Variants in MRC2 observed in about 807,000 individuals in gnomAD.
The protein encoded by MRC2 is mannose receptor C-type 2.
In MRC2, 84 loss-of-function variants were observed where a neutral mutation model predicts 206.2. The observed-to-expected ratio is 0.41, with a 90% CI of 0.34 to 0.49. The LOEUF (loss-of-function observed/expected upper bound fraction) is 0.49, where lower values mean the gene tolerates loss of function less well. MRC2 is among the 20% of genes least tolerant of loss of function. The probability of loss-of-function intolerance (pLI) is 0.31; values close to 1 mark genes in which losing one functional copy is unlikely to be tolerated. For missense variants in MRC2, 1,676 were observed against 2,001.5 expected, an observed-to-expected ratio of 0.84 and a Z score of 3.10; for synonymous variants, 798 against 800.0, an observed-to-expected ratio of 1.00 and a Z score of 0.04.
At chr17:62,656,327 G>A (rs2088619188) in intron 1 of MRC2, among the ~76,000 whole-genome samples, 1 of 151,976 alleles carries the variant, frequency 6.6e-6, no homozygotes, top group Admixed American at 6.6e-5. Context: ...TTACAGGTGT[G>A]AGCCACCACG....
In MRC2 at chr17:62,689,911, C is replaced by G; in HGVS notation, c.3591C>G (p.Ser1197=). Residue 1197 remains serine (S), a synonymous_variant, in exon 25 of 30, where the codon TCC becomes TCG. Coordinates refer to ENST00000303375, the MANE Select transcript of MRC2 (RefSeq NM_006039.5). ...ATGCCCAGGGCTCTCGGCGGTACTC[C>G]TGGGTCTCAGAGGAGCCGCTGAACT... ...LAGEEGSRRY[S]WVSEEPLNYV... 1 of 1,600,576 alleles carries G rather than the reference C, an allele frequency of 6.2e-7. No homozygotes were observed. Among genetic ancestry groups the G allele is most frequent in the African/African-American group, 1.3e-5 (1 of 74,984 alleles).
Position 62,664,637 on chromosome 17 carries a change from A to G in MRC2, c.208A>G (p.Thr70Ala), listed in dbSNP as rs1598982435. 6.2e-7 allele frequency: 1 copy of G among 1,613,644 alleles called. No individual in the cohort carries two copies. The highest frequency in any genetic ancestry group is 1.7e-5 in the Admixed American group (1 of 60,026). Residue 70 changes from threonine to alanine, a missense_variant, in exon 2 of 30, where the codon ACC (threonine) becomes GCC (alanine). Physicochemically the swap from Thr to Ala is moderately conservative, Grantham distance 58. Around this residue, in one of 3 missense-constraint regions of MRC2, gnomAD observed 318 missense variants for 346.7 expected, o/e 0.92. Transcript: ENST00000303375. This position sits in a 1 kb window ranked among gnomAD's most constrained non-coding sequence, Gnocchi z 4.7. The stretch of plus-strand genomic sequence containing the variant: ...GGTCAGAGTCACCCCGGCTTGCAAT[A>G]CCAGCCTCCCTGCCCAGCGCTGGAA... Reference protein sequence around the residue: ...GQVRVTPACNTSLPAQRWKWV... With the variant: ...GQVRVTPACNASLPAQRWKWV...
intron 1 of MRC2, among the ~76,000 whole-genome samples, chr17:62,636,420 C>T (rs2088319429): frequency 6.6e-6 from 1 of 151,138 alleles, no homozygotes; most frequent in African/African-American, 2.4e-5. Flanking sequence ...AACCAAGATT[C>T]CCCAATGAAG....
chr17:62,648,397 G>C (rs2088516593), intron 1 of MRC2, among the ~76,000 whole-genome samples: 1 of 152,246 alleles, frequency 6.6e-6, no homozygotes, highest in Non-Finnish European at 1.5e-5. Context: ...TCCCGTCCCA[G>C]TGTCTGCCAG....
chr17:62,666,794 C>T lies in MRC2; in HGVS notation c.897C>T (p.Gly299=), dbSNP rs1310490258. The change falls in exon 5 of 30, where the codon GGC becomes GGT. Residue 299 remains glycine (G), a synonymous_variant. Transcript: ENST00000303375. This position sits in a 1 kb window ranked among gnomAD's most constrained non-coding sequence, Gnocchi z 5.0. ...LTGYSSTLWI[G]LNDLDTSGGW... ...GGTACAGCTCCACCCTGTGGATCGG[C>T]TTGAATGACTTGGACACGAGCGGAG... The T allele has an allele frequency of 5.0e-6, 8 of 1,613,570 alleles. No homozygotes were observed. The highest frequency in any genetic ancestry group is 6.8e-6 in the Non-Finnish European group (8 of 1,179,946).
At chr17:62,629,076 A>AC (rs1439615606) in intron 1 of MRC2, among the ~76,000 whole-genome samples, 2 of 152,060 alleles carry the variant, frequency 1.3e-5, no homozygotes, top group African/African-American at 4.8e-5. Flanking sequence ...CCAACCGGAG[A>AC]CCCCCGGGGC....
Position 62,666,792 on chromosome 17 carries a change from G to C in MRC2, c.895G>C (p.Gly299Arg). The change falls in exon 5 of 30, where the codon GGC becomes CGC. Residue 299 changes from glycine to arginine, a missense_variant. Gly to Arg is a moderately radical substitution (Grantham distance 125). Around this residue, in one of 3 missense-constraint regions of MRC2, gnomAD observed 1,354 missense variants for 1,636.6 expected, o/e 0.83. Coordinates refer to ENST00000303375, the MANE Select transcript of MRC2 (RefSeq NM_006039.5). The surrounding 1 kb of genome is among the most constrained non-coding windows in gnomAD (Gnocchi z 5.0). ...LTGYSSTLWI[G>R]LNDLDTSGGW... The stretch of plus-strand genomic sequence containing the variant: ...TGGGTACAGCTCCACCCTGTGGATC[G>C]GCTTGAATGACTTGGACACGAGCGG... The C allele has an allele frequency of 6.2e-7, 1 of 1,613,666 alleles. No individual in the cohort carries two copies. Among genetic ancestry groups the C allele is most frequent in the Non-Finnish European group, 8.5e-7 (1 of 1,179,932 alleles).
chr17:62,674,709 G>T (rs1036898843), intron 9 of MRC2, among the ~76,000 whole-genome samples: 1 of 151,836 alleles, frequency 6.6e-6, no homozygotes, highest in African/African-American at 2.4e-5. Context: ...TGAGGGGGGG[G>T]GTGTCAAGGA....
chr17:62,681,440 C>T, intron 18 of MRC2: 3 of 504,814 alleles, frequency 5.9e-6, no homozygotes, highest in South Asian at 5.1e-5. Flanking sequence ...AAGGCCCTCT[C>T]GGGGAAGTGG....
intron 1 of MRC2, among the ~76,000 whole-genome samples, chr17:62,638,737 CA>C (rs59450498): frequency 0.57 from 49,068 of 85,390 alleles, 11,155 homozygotes; most frequent in East Asian, 0.74. Context: ...AACCCTGTCT[CA>C]AAAAAAAAAA....
rs2088945487 is a variant in MRC2, at chr17:62,680,193, G to C, written c.2322G>C (p.Arg774=). 6.2e-7 allele frequency: 1 copy of C among 1,614,108 alleles called. No individual in the cohort carries two copies. The highest frequency in any genetic ancestry group is 1.3e-5 in the African/African-American group (1 of 75,046). The change falls in exon 15 of 30, where the codon CGG becomes CGC. Residue 774 remains arginine, a synonymous_variant. Transcript: ENST00000303375. The surrounding 1 kb of genome is among the most constrained non-coding windows in gnomAD (Gnocchi z 4.8). Reference sequence around the variant, plus strand: ...AGTTCTCTTACCACAATTTCGACCGGAGCCGGCACGACGACGACGACATCC... The same window carrying C: ...AGTTCTCTTACCACAATTTCGACCGCAGCCGGCACGACGACGACGACATCC... ...GVGFSYHNFD[R]SRHDDDDIRG... is the part of the protein sequence containing the mutation.
Position 62,692,367 on chromosome 17 carries a change from C to T in MRC2, c.4356C>T (p.Tyr1452=), listed in dbSNP as rs1004014405. The stretch of plus-strand genomic sequence containing the variant: ...GCGGGGCCTTTGAGGGTGCCCGCTA[C>T]AGCCGCAGCAGCTCCAGCCCCACCG... ...IERGAFEGAR[Y]SRSSSSPTEA... The change falls in exon 30 of 30, where the codon TAC becomes TAT. Residue 1452 remains tyrosine (Y), a synonymous_variant. Coordinates refer to ENST00000303375, the MANE Select transcript of MRC2 (RefSeq NM_006039.5). This position sits in a 1 kb window ranked among gnomAD's most constrained non-coding sequence, Gnocchi z 4.2. 1.3e-6 allele frequency: 2 copies of T among 1,572,974 alleles called. No individual in the cohort carries two copies. Among genetic ancestry groups the T allele is most frequent in the Non-Finnish European group, 1.7e-6 (2 of 1,159,212 alleles).
At chr17:62,678,674 G>T (rs745945821) in intron 13 of MRC2, 28 bp downstream of exon 13, 1 of 1,599,504 alleles carries the variant, frequency 6.3e-7, no homozygotes, top group East Asian at 2.3e-5. Context: ...GGCGTGTTAG[G>T]AGGGCACCCG....
In MRC2 at chr17:62,670,850, G is replaced by C. The variant is rs187333780; in HGVS notation, c.1118-799G>C. On this transcript the variant is annotated intron_variant, in intron 6 of 29. Coordinates refer to ENST00000303375, the MANE Select transcript of MRC2 (RefSeq NM_006039.5). ...TGGGCTTGCCTGGGCCCCATTAGTG[G>C]CTCAAGGTCCCGTTTCCCAGTTTTC... Among the ~76,000 whole-genome samples the C allele has an allele frequency of 5.4e-4, 82 of 152,188 alleles. 1 individual carries two copies. The East Asian group carries it at 0.012, about 23-fold the overall frequency.
intron 20 of MRC2, among the ~76,000 whole-genome samples, chr17:62,686,814 G>A (rs1377555765): frequency 1.3e-5 from 2 of 152,150 alleles, no homozygotes; most frequent in Admixed American, 1.3e-4. Flanking sequence ...CCTCAGCATG[G>A]CTCTGAAACT....
intron 1 of MRC2, among the ~76,000 whole-genome samples, chr17:62,647,524 C>A (rs1347676774): frequency 6.6e-6 from 1 of 152,046 alleles, no homozygotes; most frequent in African/African-American, 2.4e-5. Flanking sequence ...AGAATGTGAA[C>A]TTCTGTGTCT....
chr17:62,647,842 C>T (rs909897559), intron 1 of MRC2, among the ~76,000 whole-genome samples: 1 of 152,114 alleles, frequency 6.6e-6, no homozygotes, highest in African/African-American at 2.4e-5. Flanking sequence ...TGTGAGGAGC[C>T]GTGAGGTGAG....
chr17:62,632,519 C>T (rs781380773), intron 1 of MRC2, among the ~76,000 whole-genome samples: 9 of 152,304 alleles, frequency 5.9e-5, no homozygotes, highest in East Asian at 1.9e-4. Flanking sequence ...CTAGTTTCCC[C>T]GGCCCCCCAT....
rs553402999 is a variant in MRC2 at position 62,664,810 on chromosome 17, T to C, written c.381T>C (p.Gly127=). 38 of 1,613,872 alleles carry C rather than the reference T, an allele frequency of 2.4e-5. No homozygotes were observed. In the East Asian group the frequency reaches 8.0e-4, roughly 34 times the overall value. The change falls in exon 2 of 30, where the codon GGT becomes GGC. Residue 127 remains glycine, a synonymous_variant. Coordinates refer to ENST00000303375, the MANE Select transcript of MRC2 (RefSeq NM_006039.5). This position sits in a 1 kb window ranked among gnomAD's most constrained non-coding sequence, Gnocchi z 4.7. ...TTCGCTGGCATTGTCGTACACTGGG[T>C]GACCAGCTGTCCTTGCTCCTGGGGG... ...LNLRWHCRTL[G]DQLSLLLGAR...
Sources: allele counts gnomAD v4.1 joint callset (sites outside exome capture counted in the v4.1 genomes callset), GRCh38; gene constraint gnomAD v4.1.1; regional missense constraint gnomAD v4.1.1; non-coding constraint Gnocchi (gnomAD v3.1); transcripts MANE v1.5; gene names NCBI Gene and HGNC (gene_info 2026-07-23, HGNC 2026-07-21).